The following PHLPP1 variants were observed in gnomAD, a reference collection of about 807,000 sequenced individuals.
PHLPP1 encodes the protein PH domain and leucine rich repeat protein phosphatase 1, also known as PH domain leucine-rich repeat-containing protein phosphatase 1.
PHLPP1 carries 42 observed loss-of-function variants against 117.2 expected under a neutral mutation model. The ratio of observed to expected loss-of-function variants is 0.36; its 90% CI spans 0.28 to 0.46. The LOEUF (loss-of-function observed/expected upper bound fraction) is 0.46, where lower values mean the gene tolerates loss of function less well. Ranked by LOEUF, PHLPP1 falls within the 20% of genes least tolerant of loss-of-function variation. PHLPP1 has a pLI of 1.00. For synonymous variants in PHLPP1, 1,042 were observed against 970.7 expected, an observed-to-expected ratio of 1.07 and a Z score of -1.37; for missense variants, 2,084 against 2,241.9, an observed-to-expected ratio of 0.93 and a Z score of 1.42.
chr18:62,923,091 G>A (rs1413999967), intron 10 of PHLPP1, among the ~76,000 whole-genome samples: 1 of 152,210 alleles, frequency 6.6e-6, no homozygotes, highest in Non-Finnish European at 1.5e-5. Flanking sequence ...GCTATCATAA[G>A]CTAGGCCAGC....
chr18:62,715,926 G>T lies in PHLPP1; in HGVS notation c.243G>T (p.Gly81=). 2 of 1,053,484 alleles carry T rather than the reference G, an allele frequency of 1.9e-6. No homozygotes were observed. Among genetic ancestry groups the T allele is most frequent in the Non-Finnish European group, 2.3e-6 (2 of 869,206 alleles). The allele number at this position is 1,053,484 out of a possible 1,614,324, so 65.3% of individuals were successfully genotyped here. A position where few individuals can be genotyped will look rare whatever the true frequency, so the allele number is the denominator to read the frequency against. The stretch of plus-strand genomic sequence containing the variant: ...AGGCCCCAGGCGAGGCGCCGCCGGG[G>T]CCGCTGCCGGGCAGAGCGGGGGGTG... The part of the protein sequence containing the change: ...REEAPGEAPP[G]PLPGRAGGAG... Residue 81 remains glycine (G), a synonymous_variant, in exon 1 of 17, where the codon GGG becomes GGT. Coordinates refer to ENST00000262719, the MANE Select transcript of PHLPP1 (RefSeq NM_194449.4).
intron 10 of PHLPP1, among the ~76,000 whole-genome samples, chr18:62,923,958 C>G (rs1351539566): frequency 6.6e-6 from 1 of 152,202 alleles, no homozygotes; most frequent in Non-Finnish European, 1.5e-5. Context: ...GAGTTTAAAT[C>G]ACTGTGCTGG....
chr18:62,912,146 CT>C (rs1192602233), intron 8 of PHLPP1, among the ~76,000 whole-genome samples: 28 of 103,804 alleles, frequency 2.7e-4, no homozygotes, highest in Non-Finnish European at 4.4e-4. Flanking sequence ...ACTCTGGGGA[CT>C]GTGGTGGGGT....
At chr18:62,886,038 A>AGGAACACT (rs1402320568) in intron 4 of PHLPP1, among the ~76,000 whole-genome samples, 3 of 152,244 alleles carry the variant, frequency 2.0e-5, no homozygotes, top group Non-Finnish European at 4.4e-5. Context: ...AGGAAAAGGT[A>AGGAACACT]GGAACACTAG....
chr18:62,916,605 G>GGT (rs71340133), intron 9 of PHLPP1, among the ~76,000 whole-genome samples: 15,879 of 145,758 alleles, frequency 0.11, 905 homozygotes, highest in South Asian at 0.17. Flanking sequence ...CAAGAGGGTG[G>GGT]GTGTGTGTGT....
intron 1 of PHLPP1, among the ~76,000 whole-genome samples, chr18:62,786,113 T>A (rs903226614): frequency 6.6e-6 from 1 of 152,230 alleles, no homozygotes; most frequent in South Asian, 2.1e-4. Flanking sequence ...CCAGAGCATC[T>A]TCCTAAAAGA....
intron 12 of PHLPP1, 129 bp downstream of exon 12, chr18:62,945,400 C>T (rs1373341178): frequency 3.0e-6 from 2 of 666,878 alleles, no homozygotes; most frequent in Non-Finnish European, 4.8e-6. Flanking sequence ...TTAGCCCTTA[C>T]TTCCTCCTTC....
chr18:62,971,186 T>C (rs547101055), intron 14 of PHLPP1, among the ~76,000 whole-genome samples: 12 of 152,312 alleles, frequency 7.9e-5, no homozygotes, highest in African/African-American at 2.4e-4. Context: ...TTAAGTCTTC[T>C]TCATGTTTGT....
chr18:62,920,061 G>A lies in PHLPP1; in HGVS notation c.2907G>A (p.Val969=), dbSNP rs766485532. ...LERTSVEVLD[V]QHNQLLELPP... ...GAACCTCGGTGGAGGTCTTGGATGT[G>A]CAACACAACCAGCTCCTTGAGCTCC... The change falls in exon 10 of 17, where the codon GTG becomes GTA. Residue 969 remains valine (V), a synonymous_variant. Coordinates refer to ENST00000262719, the MANE Select transcript of PHLPP1 (RefSeq NM_194449.4). The A allele has an allele frequency of 1.7e-5, 28 of 1,613,636 alleles. No homozygotes were observed. The highest frequency in any genetic ancestry group is 3.3e-4 in the Middle Eastern group (2 of 6,058).
chr18:62,852,795 A>G (rs976040257), intron 3 of PHLPP1, among the ~76,000 whole-genome samples: 2 of 152,218 alleles, frequency 1.3e-5, no homozygotes, highest in African/African-American at 4.8e-5. Flanking sequence ...AGAGGGGGCA[A>G]AATCATCACA....
intron 1 of PHLPP1, among the ~76,000 whole-genome samples, chr18:62,802,484 T>A (rs1913816875): frequency 6.6e-6 from 1 of 152,160 alleles, no homozygotes; most frequent in Non-Finnish European, 1.5e-5. Context: ...TTACAGTATT[T>A]ATGGCTCCAG....
rs1232633611 is a variant in PHLPP1 at position 62,852,667 on chromosome 18, C to CA, written c.1900-7767dup. ...AGGTTGACAGCAGTGTTTCACTTCACACAAGCAGAATTATTTGTGGTATTT... is the reference window on the plus strand; with the variant it reads ...AGGTTGACAGCAGTGTTTCACTTCACAACAAGCAGAATTATTTGTGGTATTT... On this transcript the variant is annotated intron_variant, in intron 3 of 16. Coordinates refer to ENST00000262719, the MANE Select transcript of PHLPP1 (RefSeq NM_194449.4). 3.3e-5 allele frequency among the ~76,000 whole-genome samples: 5 copies of CA among 152,274 alleles called. No homozygotes were observed. The East Asian group carries it at 9.6e-4, about 29-fold the overall frequency.
intron 12 of PHLPP1, among the ~76,000 whole-genome samples, chr18:62,951,271 G>A (rs543993067): frequency 2.2e-4 from 34 of 151,666 alleles, no homozygotes; most frequent in South Asian, 4.2e-4. Context: ...GTGAGCCACC[G>A]CGCCTGGCCA....
At chr18:62,726,562 C>T (rs1481187362) in intron 1 of PHLPP1, among the ~76,000 whole-genome samples, 8 of 146,418 alleles carry the variant, frequency 5.5e-5, no homozygotes, top group African/African-American at 1.8e-4. Context: ...TCTTTTCTTT[C>T]CTTTTCTGTT....
intron 1 of PHLPP1, among the ~76,000 whole-genome samples, chr18:62,723,009 T>C (rs1168224001): frequency 6.6e-6 from 1 of 152,218 alleles, no homozygotes; most frequent in Non-Finnish European, 1.5e-5. Context: ...GTATGTTAGG[T>C]GAAACAAGGC....
At chr18:62,858,299 G>A (rs1314584688) in intron 3 of PHLPP1, among the ~76,000 whole-genome samples, 4 of 130,322 alleles carry the variant, frequency 3.1e-5, no homozygotes, top group Admixed American at 8.8e-5. Flanking sequence ...GCCTCTCTCT[G>A]TTGCCCAGGC....
At chr18:62,926,589 G>A (rs1438590472) in intron 10 of PHLPP1, among the ~76,000 whole-genome samples, 1 of 152,122 alleles carries the variant, frequency 6.6e-6, no homozygotes, top group Admixed American at 6.6e-5. Flanking sequence ...TAGGACAGGG[G>A]TTTTTGCACC....
chr18:62,808,637 C>T (rs192335023), intron 1 of PHLPP1, among the ~76,000 whole-genome samples: 57 of 151,470 alleles, frequency 3.8e-4, no homozygotes, highest in Non-Finnish European at 6.8e-4. Flanking sequence ...ACTGCACCTC[C>T]GCCTCCTGGG....
In PHLPP1 at chr18:62,972,900, T is replaced by TTCAGACAAATTTGTAGAAGGC. The variant is rs373593913; in HGVS notation, c.3755+200_3755+201insATTTGTAGAAGGCTCAGACAA. 8.4e-4 allele frequency among the ~76,000 whole-genome samples: 128 copies of TTCAGACAAATTTGTAGAAGGC among 152,326 alleles called. No individual in the cohort carries two copies. The Middle Eastern group carries it at 0.017, about 20-fold the overall frequency. The stretch of plus-strand genomic sequence containing the variant: ...TGCTCCGGTTTGAGACATACTGATG[T>TTCAGACAAATTTGTAGAAGGC]TCAGACAACTTTGTAGAAGGCTCAG... On this transcript the variant is annotated intron_variant, in intron 15 of 16. Transcript: ENST00000262719.
Sources: allele counts gnomAD v4.1 joint callset (sites outside exome capture counted in the v4.1 genomes callset), GRCh38; gene constraint gnomAD v4.1.1; transcripts MANE v1.5; gene names NCBI Gene and HGNC (gene_info 2026-07-23, HGNC 2026-07-21).